Variants in GABRA1 observed in about 807,000 individuals in gnomAD.
The protein encoded by GABRA1 is gamma-aminobutyric acid type A receptor subunit alpha1, also known as gamma-aminobutyric acid receptor subunit alpha-1.
A neutral mutation model predicts 48.9 loss-of-function variants in GABRA1; 9 were observed. The observed-to-expected ratio is 0.18, with a 90% CI of 0.11 to 0.32. The LOEUF (loss-of-function observed/expected upper bound fraction) is 0.32, where lower values mean the gene tolerates loss of function less well. GABRA1 is among the 10% of genes least tolerant of loss of function. The pLI is 1.00. For missense variants in GABRA1, 285 were observed against 553.8 expected (o/e 0.51, Z 4.87); for synonymous variants, 210 against 198.7 (o/e 1.06, Z -0.48).
At chr5:161,890,253 C>G (rs2113444007) in intron 7 of GABRA1, among the ~76,000 whole-genome samples, 1 of 152,102 alleles carries the variant, frequency 6.6e-6, no homozygotes, top group East Asian at 1.9e-4. Context: ...ATTTTCCTGA[C>G]CTTTCAAAGA....
At chr5:161,894,370 TCAGGA>T (rs1409510765) in intron 8 of GABRA1, among the ~76,000 whole-genome samples, 1 of 152,168 alleles carries the variant, frequency 6.6e-6, no homozygotes, top group East Asian at 1.9e-4. Context: ...ACATGTAAAT[TCAGGA>T]GCCTGAATTT....
intron 7 of GABRA1, among the ~76,000 whole-genome samples, chr5:161,889,408 C>T (rs554907225): frequency 3.9e-5 from 6 of 152,146 alleles, no homozygotes; most frequent in Admixed American, 1.3e-4. Flanking sequence ...AAAAGCTACA[C>T]GGCAAGAAAA....
intron 2 of GABRA1, among the ~76,000 whole-genome samples, chr5:161,851,724 G>C (rs1757453094): frequency 6.6e-6 from 1 of 152,110 alleles, no homozygotes; most frequent in South Asian, 2.1e-4. Context: ...AAAGACATAT[G>C]AATTTAGGAA....
rs1755516484 is a variant in GABRA1 at position 161,899,399 on chromosome 5, A to G, written c.*1977A>G. ...TTATGTATAGAAAATAAAATAAATT[A>G]TGGCTCTAACTTCTGTGTTGCTGTT... On this transcript the variant is annotated 3_prime_UTR_variant, in exon 10 of 10. Transcript: ENST00000393943. 6.6e-6 allele frequency: 1 copy of G among 152,410 alleles called. No homozygotes were observed. Among genetic ancestry groups the G allele is most frequent in the South Asian group, 2.1e-4 (1 of 4,832 alleles). 9.4% of individuals were successfully genotyped at this position (152,410 alleles called of 1,614,324 possible).
intron 6 of GABRA1, among the ~76,000 whole-genome samples, chr5:161,880,892 A>G (rs1044891253): frequency 3.3e-5 from 5 of 152,182 alleles, no homozygotes; most frequent in African/African-American, 1.2e-4. Context: ...AGAACACAAA[A>G]GCCTGGTTAT....
intron 7 of GABRA1, among the ~76,000 whole-genome samples, chr5:161,887,162 G>A (rs1241133924): frequency 1.3e-5 from 2 of 152,086 alleles, no homozygotes; most frequent in Admixed American, 1.3e-4. Flanking sequence ...TGATAAGTTT[G>A]GTGAAAAAGA....
chr5:161,858,570 C>A (rs191795116), intron 3 of GABRA1, among the ~76,000 whole-genome samples: 1 of 151,814 alleles, frequency 6.6e-6, no homozygotes, highest in Admixed American at 6.6e-5. Flanking sequence ...GTGATGCCAC[C>A]AAGCTAAGGG....
chr5:161,853,347 G>A (rs993072006), intron 2 of GABRA1, among the ~76,000 whole-genome samples: 27 of 151,742 alleles, frequency 1.8e-4, no homozygotes, highest in African/African-American at 6.0e-4. Context: ...TCCCAATATA[G>A]AAGAAGAAAA....
At chr5:161,866,024 T>A (rs575983657) in intron 4 of GABRA1, among the ~76,000 whole-genome samples, 18 of 152,188 alleles carry the variant, frequency 1.2e-4, no homozygotes, top group East Asian at 3.9e-4. Flanking sequence ...CATCTTTTTT[T>A]AAAAAATATT....
chr5:161,861,463 C>T (rs1757857600), intron 3 of GABRA1, among the ~76,000 whole-genome samples: 1 of 151,802 alleles, frequency 6.6e-6, no homozygotes, highest in African/African-American at 2.4e-5. Context: ...AGATAAATAG[C>T]TCCTGCAATA....
chr5:161,853,570 A>T (rs1337628626), intron 2 of GABRA1: 1 of 151,918 alleles, frequency 6.6e-6, no homozygotes, highest in African/African-American at 2.4e-5. Context: ...ACAAATTTTA[A>T]TCATTGGGTC....
chr5:161,860,777 AC>A (rs1041779557), intron 3 of GABRA1, among the ~76,000 whole-genome samples: 9 of 151,844 alleles, frequency 5.9e-5, no homozygotes, highest in Non-Finnish European at 4.4e-5. Context: ...TTAGGTATCC[AC>A]AAAAAATTAG....
At position 161,898,166 on chromosome 5, in the gene GABRA1, G is replaced by T. The variant is rs934022648; in HGVS notation, c.*744G>T. 6.6e-6 allele frequency: 1 copy of T among 152,442 alleles called. No individual in the cohort carries two copies. The highest frequency in any genetic ancestry group is 1.5e-5 in the Non-Finnish European group (1 of 68,020). The allele number at this position is 152,442 out of a possible 1,614,324, so 9.4% of individuals were successfully genotyped here. On this transcript the variant is annotated 3_prime_UTR_variant, in exon 10 of 10. Coordinates refer to ENST00000393943, the MANE Select transcript of GABRA1 (RefSeq NM_001127644.2). ...AGCTTTTACCACTAGACTCAAGGAA[G>T]AATAATTTTAACAGACATGTATACT... is the stretch of plus-strand genomic sequence containing the variant.
intron 6 of GABRA1, among the ~76,000 whole-genome samples, chr5:161,879,540 T>C (rs546121056): frequency 6.6e-6 from 1 of 152,290 alleles, no homozygotes; most frequent in South Asian, 2.1e-4. Flanking sequence ...ATGTCTCTGG[T>C]CAAGTACATT....
At chr5:161,880,898 G>C (rs573503596) in intron 6 of GABRA1, among the ~76,000 whole-genome samples, 81 of 152,242 alleles carry the variant, frequency 5.3e-4, no homozygotes, top group African/African-American at 1.9e-3. Context: ...CAAAAGCCTG[G>C]TTATTTAAGT....
chr5:161,859,072 T>G (rs1757755965), intron 3 of GABRA1, among the ~76,000 whole-genome samples: 1 of 151,780 alleles, frequency 6.6e-6, no homozygotes, highest in Non-Finnish European at 1.5e-5. Flanking sequence ...ACATTTTCTT[T>G]TTCCTGTAAA....
chr5:161,868,047 TA>T (rs147334626), intron 4 of GABRA1, among the ~76,000 whole-genome samples: 18,277 of 150,104 alleles, frequency 0.12, 1,156 homozygotes, highest in South Asian at 0.18. Context: ...CCTATAATAT[TA>T]AAAAAAAAAT....
At chr5:161,889,264 T>C (rs139411103) in intron 7 of GABRA1, among the ~76,000 whole-genome samples, 1 of 152,054 alleles carries the variant, frequency 6.6e-6, no homozygotes, top group Non-Finnish European at 1.5e-5. Flanking sequence ...ACAAATTAAA[T>C]TTATTTTAAC....
At chr5:161,856,458 G>C (rs1391954574) in intron 3 of GABRA1, among the ~76,000 whole-genome samples, 1 of 151,294 alleles carries the variant, frequency 6.6e-6, no homozygotes, top group East Asian at 1.9e-4. Context: ...AAAATTAACA[G>C]TGGATGTGCT....
Sources: allele counts gnomAD v4.1 joint callset (sites outside exome capture counted in the v4.1 genomes callset), GRCh38; gene constraint gnomAD v4.1.1; transcripts MANE v1.5; gene names NCBI Gene and HGNC (gene_info 2026-07-23, HGNC 2026-07-21).